The following FBXL2 variants were observed in gnomAD, a reference collection of about 807,000 sequenced individuals.
FBXL2 encodes F-box and leucine rich repeat protein 2, also known as F-box/LRR-repeat protein 2.
FBXL2 carries 38 observed loss-of-function variants against 69.2 expected under a neutral mutation model. The ratio of observed to expected loss-of-function variants is 0.55; its 90% confidence interval spans 0.42 to 0.72. FBXL2 has a LOEUF of 0.72. Ranked by LOEUF, FBXL2 falls within the 30% of genes least tolerant of loss-of-function variation. The pLI is 0.00. For missense variants in FBXL2, 354 were observed against 520.3 expected (o/e 0.68, Z 3.11); for synonymous variants, 192 against 201.3 (o/e 0.95, Z 0.39).
intron 2 of FBXL2, among the ~76,000 whole-genome samples, chr3:33,330,661 G>C (rs1374784196): frequency 6.6e-6 from 1 of 152,098 alleles, no homozygotes; most frequent in Admixed American, 6.5e-5. Context: ...GCCAAGCCAG[G>C]CAGCTTACTT....
chr3:33,392,688 A>T, downstream of FBXL2: 1 of 1,391,392 alleles, frequency 7.2e-7, no homozygotes, highest in South Asian at 1.3e-5. Flanking sequence ...TTAAAACAGT[A>T]AATATTCTTC....
chr3:33,343,545 A>G (rs139468479), intron 2 of FBXL2, among the ~76,000 whole-genome samples: 2 of 152,252 alleles, frequency 1.3e-5, no homozygotes, highest in African/African-American at 2.4e-5. Context: ...AAAATATTTT[A>G]TTGATTAGAA....
At chr3:33,316,887 TC>T (rs750851605) in intron 2 of FBXL2, among the ~76,000 whole-genome samples, 8 of 103,702 alleles carry the variant, frequency 7.7e-5, no homozygotes, top group Admixed American at 1.3e-4. Flanking sequence ...TATAGAATTT[TC>T]TCTGTTTTTC....
intron 4 of FBXL2, 103 bp downstream of exon 4, chr3:33,359,460 T>G: frequency 1.5e-6 from 1 of 677,548 alleles, no homozygotes; most frequent in East Asian, 2.9e-5. Flanking sequence ...AATATTAAAG[T>G]GCTGAGGTAG....
chr3:33,297,639 AT>A, intron 1 of FBXL2, 24 bp from the exon 2 acceptor site: 1 of 1,435,314 alleles, frequency 7.0e-7, no homozygotes, highest in South Asian at 1.2e-5. Flanking sequence ...CATTTTCACA[AT>A]TTCCTTTTTT....
chr3:33,302,971 A>T (rs1430095982), intron 2 of FBXL2: 2 of 387,462 alleles, frequency 5.2e-6, no homozygotes, highest in East Asian at 1.5e-4. Context: ...ATTAAGATAT[A>T]GCCCAGTGCT....
At chr3:33,422,580 C>T in the FBXL2 span, among the ~76,000 whole-genome samples, 1 of 151,692 alleles carries the variant, frequency 6.6e-6, no homozygotes, top group Admixed American at 6.6e-5. Context: ...TAAAAATTTG[C>T]CAGGCATGGT....
chr3:33,422,562 A>AT, the FBXL2 span, among the ~76,000 whole-genome samples: 191 of 151,864 alleles, frequency 1.3e-3, 2 homozygotes, highest in African/African-American at 4.4e-3. Context: ...CTCTACGAAA[A>AT]TTTTTTTTAA....
chr3:33,318,966 A>G (rs948943699), intron 2 of FBXL2, among the ~76,000 whole-genome samples: 5 of 152,192 alleles, frequency 3.3e-5, no homozygotes, highest in African/African-American at 1.2e-4. Flanking sequence ...TTCCTGAAGG[A>G]GAAGGGAATG....
At chr3:33,323,467 GACGCCCA>G (rs1402615088) in intron 2 of FBXL2, among the ~76,000 whole-genome samples, 2 of 151,860 alleles carry the variant, frequency 1.3e-5, no homozygotes, top group African/African-American at 4.8e-5. Flanking sequence ...CCTTCCCCCC[GACGCCCA>G]ACAGGCCCCA....
the FBXL2 span, chr3:33,416,876 A>G: frequency 6.7e-7 from 1 of 1,485,354 alleles, no homozygotes. Flanking sequence ...CCTTATAAAG[A>G]ACATCACTTT....
chr3:33,286,972 C>A (rs991322925), intron 1 of FBXL2, among the ~76,000 whole-genome samples: 3 of 152,208 alleles, frequency 2.0e-5, no homozygotes, highest in Admixed American at 2.0e-4. Flanking sequence ...AACTCCCCGA[C>A]CCCTTGCGCT....
At chr3:33,419,271 G>A in the FBXL2 span, among the ~76,000 whole-genome samples, 2 of 152,152 alleles carry the variant, frequency 1.3e-5, no homozygotes, top group Non-Finnish European at 2.9e-5. Flanking sequence ...AGGGCAGGCA[G>A]ATTACTTGAG....
chr3:33,289,087 T>G (rs2034958382), intron 1 of FBXL2, among the ~76,000 whole-genome samples: 3 of 152,120 alleles, frequency 2.0e-5, no homozygotes, highest in Admixed American at 2.0e-4. Flanking sequence ...CTTCATTGAC[T>G]CTTGAAGTGT....
At position 33,280,649 on chromosome 3, in the gene FBXL2, G is replaced by T. The variant is rs553432427; in HGVS notation, c.3+3134G>T. 2.7e-5 allele frequency among the ~76,000 whole-genome samples: 4 copies of T among 150,076 alleles called. No individual in the cohort carries two copies. In the East Asian group the frequency reaches 7.8e-4, roughly 29 times the overall value. ...GATCCCTTGAGTCCAGGAGCTCAAGGCTGTGCTGAATTGTGTTCACACCAC... is the reference window on the plus strand; with the variant it reads ...GATCCCTTGAGTCCAGGAGCTCAAGTCTGTGCTGAATTGTGTTCACACCAC... On this transcript the variant is annotated intron_variant, in intron 1 of 14. Transcript: ENST00000484457.
At chr3:33,378,530 A>C (rs1353153012) in intron 12 of FBXL2, among the ~76,000 whole-genome samples, 155 bp from the exon 13 acceptor site, 1 of 152,210 alleles carries the variant, frequency 6.6e-6, no homozygotes, top group Non-Finnish European at 1.5e-5. Context: ...GGCAGATTTT[A>C]GAGTGCTGGT....
At position 33,313,122 on chromosome 3, in the gene FBXL2, G is replaced by GAA. The variant is rs200519700; in HGVS notation, c.65+15409_65+15410dup. On this transcript the variant is annotated intron_variant, in intron 2 of 14. Coordinates refer to ENST00000484457, the MANE Select transcript of FBXL2 (RefSeq NM_012157.5). ...TGTCAGAGTGAGACTCCGTCTCCAAGAAAAAAAAAAAAAGATAAGACAATA... is the reference window on the plus strand; with the variant it reads ...TGTCAGAGTGAGACTCCGTCTCCAAGAAAAAAAAAAAAAAAGATAAGACAATA... Among the ~76,000 whole-genome samples the GAA allele has an allele frequency of 7.1e-3, 905 of 126,808 alleles. 11 individuals carry two copies. The highest frequency in any genetic ancestry group is 0.022 in the African/African-American group (827 of 36,832). The allele number at this position is 126,808 out of a possible 152,430, so 83.2% of individuals were successfully genotyped here. A position where few individuals can be genotyped will look rare whatever the true frequency, so the allele number is the denominator to read the frequency against.
intron 2 of FBXL2, among the ~76,000 whole-genome samples, chr3:33,347,704 A>G (rs1164180621): frequency 6.6e-6 from 1 of 152,138 alleles, no homozygotes; most frequent in Non-Finnish European, 1.5e-5. Flanking sequence ...ATTTTTGGAT[A>G]TAAGTCATTT....
At chr3:33,326,130 T>C (rs968184519) in intron 2 of FBXL2, among the ~76,000 whole-genome samples, 1 of 152,166 alleles carries the variant, frequency 6.6e-6, no homozygotes, top group African/African-American at 2.4e-5. Flanking sequence ...ATCCCTTAGC[T>C]CTCACACTCT....
Sources: allele counts gnomAD v4.1 joint callset (sites outside exome capture counted in the v4.1 genomes callset), GRCh38; gene constraint gnomAD v4.1.1; transcripts MANE v1.5; gene names NCBI Gene and HGNC (gene_info 2026-07-23, HGNC 2026-07-21).